The following GSE1 variants were observed in gnomAD, a reference collection of about 807,000 sequenced individuals.
The protein encoded by GSE1 is Gse1 coiled-coil protein, also known as genetic suppressor element 1.
GSE1 carries 32 observed loss-of-function variants against 112.6 expected under a neutral mutation model. The ratio of observed to expected loss-of-function variants is 0.28; its 90% CI spans 0.21 to 0.38. The LOEUF is 0.38. GSE1 is among the 10% of genes least tolerant of loss of function. GSE1 has a pLI of 1.00. For synonymous variants in GSE1, 1,115 were observed against 735.6 expected (o/e 1.52, Z -8.35); for missense variants, 2,348 against 1,699.2 (o/e 1.38, Z -6.71).
rs140319776 is a variant in GSE1, at chr16:85,429,072, C to T, written c.2464+71429C>T. On this transcript the variant is annotated intron_variant, in intron 2 of 2. Transcript: ENST00000637419. Reference sequence around the variant, plus strand: ...GGGGCGCCTACAGCTCCGAAGCCTCCGCACGCTGCATCACTCACGGTAAAC... The same window carrying T: ...GGGGCGCCTACAGCTCCGAAGCCTCTGCACGCTGCATCACTCACGGTAAAC... 1.5e-3 allele frequency among the ~76,000 whole-genome samples: 233 copies of T among 152,334 alleles called. 1 individual carries two copies. Among genetic ancestry groups the T allele is most frequent in the Non-Finnish European group, 2.8e-3 (193 of 68,024 alleles).
intron 1 of GSE1, among the ~76,000 whole-genome samples, chr16:85,286,467 G>A (rs1157682985): frequency 6.6e-6 from 1 of 152,240 alleles, no homozygotes; most frequent in South Asian, 2.1e-4. Context: ...CCTGGTGTCC[G>A]TTCAAAGGAT....
intron 1 of GSE1, among the ~76,000 whole-genome samples, chr16:85,581,797 C>G (rs901178352): frequency 6.6e-6 from 1 of 152,152 alleles, no homozygotes; most frequent in African/African-American, 2.4e-5. Flanking sequence ...TGGATGGGGT[C>G]TACACCCAGG....
At chr16:85,485,766 G>T (rs1035621273) in intron 2 of GSE1, among the ~76,000 whole-genome samples, 2 of 151,884 alleles carry the variant, frequency 1.3e-5, no homozygotes, top group African/African-American at 4.9e-5. Context: ...TGGGGAGCCT[G>T]ATGCCACCCT....
intron 1 of GSE1, among the ~76,000 whole-genome samples, chr16:85,312,703 AGAG>A (rs997608801): frequency 1.7e-4 from 25 of 151,448 alleles, no homozygotes; most frequent in African/African-American, 6.1e-4. Flanking sequence ...GGGAGGAGGG[AGAG>A]GAGGAGAAAG....
chr16:85,641,473 C>A (rs1447933143), intron 2 of GSE1, among the ~76,000 whole-genome samples: 1 of 150,258 alleles, frequency 6.7e-6, no homozygotes, highest in Non-Finnish European at 1.5e-5. Context: ...TTGGTGGACG[C>A]AGGCCGCGGG....
chr16:85,365,044 GC>G (rs1371907976), intron 2 of GSE1, among the ~76,000 whole-genome samples: 3 of 152,238 alleles, frequency 2.0e-5, no homozygotes, highest in Admixed American at 6.5e-5. Context: ...TGTAGGAAGG[GC>G]TGGGAGCTCT....
intron 2 of GSE1, among the ~76,000 whole-genome samples, chr16:85,643,498 G>A (rs902346676): frequency 9.6e-5 from 14 of 146,056 alleles, no homozygotes; most frequent in Admixed American, 1.4e-4. Flanking sequence ...CCTCACCCGC[G>A]CCTCTTTCTT....
intron 2 of GSE1, among the ~76,000 whole-genome samples, chr16:85,430,562 G>A (rs1003461282): frequency 6.6e-6 from 1 of 152,184 alleles, no homozygotes; most frequent in South Asian, 2.1e-4. Context: ...GGGCGGAGGG[G>A]TGAGCATGGA....
chr16:85,191,512 T>C (rs112886909), intron 1 of GSE1, among the ~76,000 whole-genome samples: 1 of 152,194 alleles, frequency 6.6e-6, no homozygotes, highest in African/African-American at 2.4e-5. Flanking sequence ...CAGAGAGGAA[T>C]GAAGGAGCAG....
rs1483846575 is a variant in GSE1 at position 85,419,169 on chromosome 16, C to G, written c.2464+61526C>G. On this transcript the variant is annotated intron_variant, in intron 2 of 2. Coordinates refer to the GSE1 transcript ENST00000637419. This position sits in a 1 kb window ranked among gnomAD's most constrained non-coding sequence, Gnocchi z 6.5. ...CGTGATGGGAGCCCAGGCACCGAGC[C>G]TGGGGATTCTGACAGTCAGAGGCTG... 6.6e-6 allele frequency among the ~76,000 whole-genome samples: 1 copy of G among 152,128 alleles called. No individual in the cohort carries two copies. Among genetic ancestry groups the G allele is most frequent in the Non-Finnish European group, 1.5e-5 (1 of 68,012 alleles).
At chr16:85,658,563 C>T (rs547299983) in intron 8 of GSE1, among the ~76,000 whole-genome samples, 10 of 152,314 alleles carry the variant, frequency 6.6e-5, no homozygotes, top group South Asian at 6.2e-4. Context: ...AGTAGGGCAG[C>T]GAGGGAATGC....
chr16:85,182,776 G>A (rs1408489925), intron 1 of GSE1, among the ~76,000 whole-genome samples: 3 of 152,102 alleles, frequency 2.0e-5, no homozygotes, highest in African/African-American at 7.2e-5. Flanking sequence ...GAGGGACAGT[G>A]GATTGTTGAC....
intron 1 of GSE1, among the ~76,000 whole-genome samples, chr16:85,248,193 C>T (rs959743691): frequency 2.6e-5 from 4 of 152,144 alleles, no homozygotes; most frequent in African/African-American, 9.7e-5. Context: ...ACCCCCAGAT[C>T]CCTGTACCCC....
In GSE1 at chr16:85,656,211, C is replaced by A. The variant is rs1367123923; in HGVS notation, c.990-132C>A. 2.6e-6 allele frequency: 3 copies of A among 1,168,338 alleles called. 1 individual carries two copies. The highest frequency in any genetic ancestry group is 3.0e-5 in the South Asian group (2 of 67,634). The allele number at this position is 1,168,338 out of a possible 1,614,324, so 72.4% of individuals were successfully genotyped here. ...TTAAGTTCTTCCTGCACCAGTGAAA[C>A]CCGGCTCACCTCCCGTCACTGTTCA... On this transcript the variant is annotated intron_variant, in intron 6 of 15. Coordinates refer to ENST00000253458, the MANE Select transcript of GSE1 (RefSeq NM_014615.5).
intron 1 of GSE1, among the ~76,000 whole-genome samples, chr16:85,209,077 G>A (rs1014150655): frequency 4.0e-5 from 6 of 151,154 alleles, no homozygotes; most frequent in African/African-American, 1.5e-4. Flanking sequence ...GTTGGGGTTC[G>A]CTGTGTGTTG....
chr16:85,319,327 A>G (rs1046175084), intron 1 of GSE1, among the ~76,000 whole-genome samples: 8 of 152,152 alleles, frequency 5.3e-5, no homozygotes, highest in African/African-American at 1.9e-4. Context: ...GTCCTAATGG[A>G]AGCCTCTGGA....
intron 2 of GSE1, among the ~76,000 whole-genome samples, chr16:85,636,081 C>G (rs531060330): frequency 1.3e-5 from 2 of 152,384 alleles, no homozygotes; most frequent in African/African-American, 4.8e-5. Context: ...CTGGGCGCCC[C>G]TGGCGGGAGG....
chr16:85,459,900 C>T (rs938830996), intron 2 of GSE1, among the ~76,000 whole-genome samples: 4 of 152,238 alleles, frequency 2.6e-5, no homozygotes, highest in Admixed American at 6.5e-5. Flanking sequence ...CCCCAGCTCA[C>T]GCAGTGAGTG....
intron 2 of GSE1, among the ~76,000 whole-genome samples, chr16:85,403,871 G>C (rs1007181283): frequency 1.3e-5 from 2 of 152,150 alleles, no homozygotes; most frequent in Admixed American, 1.3e-4. Context: ...CAGCATCAAG[G>C]TGTGGGCAGG....
Sources: allele counts gnomAD v4.1 joint callset (sites outside exome capture counted in the v4.1 genomes callset), GRCh38; gene constraint gnomAD v4.1.1; non-coding constraint Gnocchi (gnomAD v3.1); transcripts MANE v1.5; gene names NCBI Gene and HGNC (gene_info 2026-07-23, HGNC 2026-07-21).